Variants in ROBO2 observed in about 807,000 individuals in gnomAD.
The protein encoded by ROBO2 is roundabout guidance receptor 2, also known as roundabout homolog 2.
ROBO2 carries 53 observed loss-of-function variants against 160.8 expected under a neutral mutation model. The ratio of observed to expected loss-of-function variants is 0.33; its 90% CI spans 0.26 to 0.41. The LOEUF (loss-of-function observed/expected upper bound fraction) is 0.41. Among genes scored for constraint, ROBO2 ranks in the 10% least tolerant of loss-of-function variants. The pLI is 1.00. For synonymous variants in ROBO2, 664 were observed against 611.7 expected, an observed-to-expected ratio of 1.09 and a Z score of -1.26; for missense variants, 1,577 against 1,722.4, an observed-to-expected ratio of 0.92 and a Z score of 1.49.
chr3:76,702,644 C>T (rs112816071), intron 2 of ROBO2, among the ~76,000 whole-genome samples: 6 of 151,556 alleles, frequency 4.0e-5, no homozygotes, highest in Admixed American at 3.3e-4. Flanking sequence ...GATGTTGAAT[C>T]GAAGTTTTGT....
At chr3:76,491,259 T>G (rs1240569457) in intron 2 of ROBO2, among the ~76,000 whole-genome samples, 3 of 152,050 alleles carry the variant, frequency 2.0e-5, no homozygotes, top group African/African-American at 7.2e-5. Context: ...TAAGATTAAT[T>G]TTTTTAAAAA....
intron 2 of ROBO2, among the ~76,000 whole-genome samples, chr3:77,019,792 C>T (rs574331117): frequency 6.6e-6 from 1 of 152,228 alleles, no homozygotes; most frequent in South Asian, 2.1e-4. Flanking sequence ...CTGTGAAAAA[C>T]TTTTTAAAAA....
chr3:77,125,136 G>C (rs978975217), intron 2 of ROBO2, among the ~76,000 whole-genome samples: 4 of 152,060 alleles, frequency 2.6e-5, no homozygotes, highest in Non-Finnish European at 5.9e-5. Context: ...TTAGATACAA[G>C]CTTTCTTTGC....
intron 2 of ROBO2, among the ~76,000 whole-genome samples, chr3:76,663,194 A>G (rs975061141): frequency 2.0e-5 from 3 of 152,194 alleles, no homozygotes; most frequent in Admixed American, 6.5e-5. Flanking sequence ...GATGTCTCCA[A>G]GTTTTTCTCT....
intron 2 of ROBO2, among the ~76,000 whole-genome samples, chr3:75,956,904 T>C (rs1445432861): frequency 6.6e-6 from 1 of 151,586 alleles, no homozygotes; most frequent in Non-Finnish European, 1.5e-5. Context: ...ACAAAATAGA[T>C]ATCTCTTTCT....
At chr3:76,776,650 A>G (rs1395733680) in intron 2 of ROBO2, among the ~76,000 whole-genome samples, 1 of 150,922 alleles carries the variant, frequency 6.6e-6, no homozygotes, top group Non-Finnish European at 1.5e-5. Context: ...ACACACAGTG[A>G]AAACACAGTA....
chr3:76,717,780 A>G (rs1560436618), intron 2 of ROBO2, among the ~76,000 whole-genome samples: 1 of 149,954 alleles, frequency 6.7e-6, no homozygotes, highest in Non-Finnish European at 1.5e-5. Context: ...CTCCTGATGT[A>G]AAGAGTTTTA....
intron 2 of ROBO2, among the ~76,000 whole-genome samples, chr3:76,222,793 C>T (rs546941232): frequency 5.3e-5 from 8 of 151,664 alleles, no homozygotes; most frequent in South Asian, 2.1e-4. Flanking sequence ...CTCCTTCTGT[C>T]GCCCACGCTG....
chr3:77,093,607 A>T lies in ROBO2; in HGVS notation c.62-4407A>T, dbSNP rs141410510. On this transcript the variant is annotated intron_variant, in intron 1 of 25. Transcript: ENST00000461745. Reference sequence around the variant, plus strand: ...ACAGTTTTAAAGATTCCAAAGACTTATGCATTGGGTCCATCGTAAAGACCA... The same window carrying T: ...ACAGTTTTAAAGATTCCAAAGACTTTTGCATTGGGTCCATCGTAAAGACCA... Among the ~76,000 whole-genome samples, 351 of 152,288 alleles carry T rather than the reference A, an allele frequency of 2.3e-3. 7 individuals carry two copies. In the South Asian group the frequency reaches 0.029, roughly 13 times the overall value.
chr3:75,995,423 C>G (rs1413674160), intron 2 of ROBO2, among the ~76,000 whole-genome samples: 1 of 152,128 alleles, frequency 6.6e-6, no homozygotes, highest in Non-Finnish European at 1.5e-5. Context: ...ATGTTGGGCC[C>G]ATTGGTATAC....
intron 2 of ROBO2, among the ~76,000 whole-genome samples, chr3:76,868,005 T>A (rs1332061186): frequency 6.6e-6 from 1 of 152,198 alleles, no homozygotes; most frequent in Non-Finnish European, 1.5e-5. Context: ...CCCCTCGAGA[T>A]ACAAAATAAT....
At chr3:77,306,392 G>C (rs922405862) in intron 2 of ROBO2, among the ~76,000 whole-genome samples, 3 of 151,810 alleles carry the variant, frequency 2.0e-5, no homozygotes, top group Non-Finnish European at 4.4e-5. Flanking sequence ...CAATTATTTG[G>C]GCAAAGCAAC....
At chr3:77,073,337 A>G (rs1559950887) in intron 1 of ROBO2, among the ~76,000 whole-genome samples, 1 of 152,208 alleles carries the variant, frequency 6.6e-6, no homozygotes. Context: ...TTTATTTGCT[A>G]AGAGAAGAAA....
Position 77,197,398 on chromosome 3 carries a change from T to C in ROBO2, c.388+99058T>C, listed in dbSNP as rs1215931828. 2.0e-5 allele frequency among the ~76,000 whole-genome samples: 3 copies of C among 152,190 alleles called. No individual in the cohort carries two copies. The East Asian group carries it at 5.8e-4, about 29-fold the overall frequency. ...TCTTAACTGGGTCCATGAGGCACAC[T>C]GCCAAAAAGCAACTTGCTATTAAGC... On this transcript the variant is annotated intron_variant, in intron 2 of 25. Transcript: ENST00000461745.
intron 2 of ROBO2, among the ~76,000 whole-genome samples, chr3:77,380,273 T>C (rs2073264714): frequency 6.6e-6 from 1 of 152,204 alleles, no homozygotes; most frequent in Admixed American, 6.5e-5. Context: ...TGAAACACAC[T>C]AGCATGTCTC....
intron 2 of ROBO2, among the ~76,000 whole-genome samples, chr3:76,208,763 C>A (rs772476852): frequency 5.8e-4 from 88 of 152,090 alleles, no homozygotes; most frequent in Non-Finnish European, 1.1e-3. Flanking sequence ...GCACATGTAT[C>A]CTTTCCCTAT....
intron 2 of ROBO2, among the ~76,000 whole-genome samples, chr3:76,747,517 C>T (rs750760572): frequency 1.3e-5 from 2 of 151,916 alleles, no homozygotes; most frequent in Non-Finnish European, 2.9e-5. Flanking sequence ...CTTAGAGAAA[C>T]TGACTTTTGC....
Position 76,911,959 on chromosome 3 carries a change from C to T in ROBO2, c.110-186055C>T, listed in dbSNP as rs147071613. ...ACTCCAGAAGGGCAACAGAGCTGGA[C>T]CCTGTCTCAAAAAAAAAATATTTTA... On this transcript the variant is annotated intron_variant, in intron 2 of 26. Transcript: ENST00000487694. Among the ~76,000 whole-genome samples, 724 of 151,870 alleles carry T rather than the reference C, an allele frequency of 4.8e-3. 6 individuals are homozygous for T. Among genetic ancestry groups the T allele is most frequent in the Admixed American group, 8.8e-3 (135 of 15,258 alleles).
intron 2 of ROBO2, among the ~76,000 whole-genome samples, chr3:76,168,454 A>C (rs1321438975): frequency 6.6e-6 from 1 of 151,666 alleles, no homozygotes; most frequent in African/African-American, 2.4e-5. Flanking sequence ...TTTTCTGTTA[A>C]TCTCTAGTTT....
Sources: gnomAD v4.1 joint callset for allele counts (sites outside exome capture counted in the v4.1 genomes callset) on GRCh38, gnomAD v4.1.1 for gene constraint, MANE v1.5 for transcripts, NCBI Gene and HGNC (gene_info 2026-07-23, HGNC 2026-07-21) for gene names.